SHANK2: variants seen among roughly 807,000 people sequenced by gnomAD.
SHANK2 encodes the protein SH3 and multiple ankyrin repeat domains 2, also known as SH3 and multiple ankyrin repeat domains protein 2.
A neutral mutation model predicts 133.7 loss-of-function variants in SHANK2; 43 were observed. The observed-to-expected ratio is 0.32, with a 90% CI of 0.25 to 0.41. SHANK2 has a LOEUF of 0.41. Among genes scored for constraint, SHANK2 ranks in the 10% least tolerant of loss-of-function variants. The pLI, the probability that SHANK2 is intolerant of heterozygous loss-of-function variation, is 1.00. For synonymous variants in SHANK2, 1,017 were observed against 952.8 expected (o/e 1.07, Z -1.24); for missense variants, 1,994 against 2,235.8 (o/e 0.89, Z 2.18).
chr11:70,765,864 T>C (rs1562192), intron 14 of SHANK2, among the ~76,000 whole-genome samples: 65,693 of 152,124 alleles, frequency 0.43, 15,295 homozygotes, highest in East Asian at 0.66. Flanking sequence ...TTGTACCTTA[T>C]ATCCTGAACT....
At position 70,739,236 on chromosome 11, in the gene SHANK2, G is replaced by A. The variant is rs1946471463; in HGVS notation, c.1778-40473C>T. 6.6e-6 allele frequency among the ~76,000 whole-genome samples: 1 copy of A among 152,108 alleles called. No individual in the cohort carries two copies. The highest frequency in any genetic ancestry group is 2.4e-5 in the African/African-American group (1 of 41,412). ...GGGGATGCGGCATGTGAACTTCAGGGGCACACAAAGCCCAGACGCAGACCC... is the reference window on the plus strand; with the variant it reads ...GGGGATGCGGCATGTGAACTTCAGGAGCACACAAAGCCCAGACGCAGACCC... On this transcript the variant is annotated intron_variant, in intron 14 of 25. Transcript: ENST00000601538. This position sits in a 1 kb window ranked among gnomAD's most constrained non-coding sequence, Gnocchi z 4.3.
At chr11:70,528,501 T>C (rs1247505536) in intron 17 of SHANK2, among the ~76,000 whole-genome samples, 3 of 152,150 alleles carry the variant, frequency 2.0e-5, no homozygotes, top group Non-Finnish European at 4.4e-5. Flanking sequence ...TCCCGTTTAC[T>C]GCGCAGTGTT....
intron 17 of SHANK2, among the ~76,000 whole-genome samples, chr11:70,582,969 C>G (rs997703212): frequency 6.6e-6 from 1 of 152,198 alleles, no homozygotes; most frequent in African/African-American, 2.4e-5. Context: ...AGCTCACTCT[C>G]CTGAGGCTTG....
intron 6 of SHANK2, among the ~76,000 whole-genome samples, chr11:71,102,673 G>A (rs531444497): frequency 3.9e-5 from 6 of 152,336 alleles, no homozygotes; most frequent in South Asian, 2.1e-4. Context: ...GCTTGTCCCC[G>A]ACCTGGGCCT....
intron 11 of SHANK2, among the ~76,000 whole-genome samples, chr11:70,833,032 G>A (rs1555059016): frequency 1.3e-5 from 2 of 152,206 alleles, no homozygotes; most frequent in African/African-American, 4.8e-5. Flanking sequence ...GGAGTTCCCT[G>A]CACCCCATGT....
intron 11 of SHANK2, among the ~76,000 whole-genome samples, chr11:70,856,945 T>C (rs1242039419): frequency 2.0e-5 from 3 of 152,208 alleles, no homozygotes; most frequent in African/African-American, 7.2e-5. Flanking sequence ...CTTCCTTAAC[T>C]TCTGTCTACC....
At chr11:70,761,534 G>A (rs1555040217) in intron 14 of SHANK2, among the ~76,000 whole-genome samples, 3 of 152,362 alleles carry the variant, frequency 2.0e-5, no homozygotes, top group East Asian at 3.9e-4. Flanking sequence ...AGTGAGTGAC[G>A]CACCTCTATG....
intron 17 of SHANK2, among the ~76,000 whole-genome samples, chr11:70,658,108 T>C (rs2061426106): frequency 6.6e-6 from 1 of 151,526 alleles, no homozygotes. Context: ...AAGAGTGACC[T>C]ATTTCAACAC....
At position 70,934,221 on chromosome 11, in the gene SHANK2, G is replaced by C. The variant is rs1950539941; in HGVS notation, c.1108-37654C>G. On this transcript the variant is annotated intron_variant, in intron 10 of 25. Coordinates refer to ENST00000601538, the MANE Select transcript of SHANK2 (RefSeq NM_012309.5). ...CACTCCAGCCTGGGCAACAGAGCGG[G>C]ACTGTGTCTCAACAACAACACCACC... is the stretch of plus-strand genomic sequence containing the variant. 3.7e-5 allele frequency among the ~76,000 whole-genome samples: 5 copies of C among 134,168 alleles called. No individual in the cohort carries two copies. The South Asian group carries it at 1.3e-3, about 34-fold the overall frequency. The allele number at this position is 134,168 out of a possible 152,430, so 88.0% of individuals were successfully genotyped here. A position where few individuals can be genotyped will look rare whatever the true frequency, so the allele number is the denominator to read the frequency against.
In SHANK2 at chr11:70,500,749, G is replaced by A. The variant is rs1281527005; in HGVS notation, c.2288-159C>T. On this transcript the variant is annotated intron_variant, in intron 20 of 25. Coordinates refer to ENST00000601538, the MANE Select transcript of SHANK2 (RefSeq NM_012309.5). The surrounding 1 kb of genome is among the most constrained non-coding windows in gnomAD (Gnocchi z 4.5). ...CTGGAACGCTGCGAACGCAGGCTGC[G>A]CTATCCATGGAGTGGCTTTCCCCAA... is the stretch of plus-strand genomic sequence containing the variant. 15 of 949,760 alleles carry A rather than the reference G, an allele frequency of 1.6e-5. No individual in the cohort carries two copies. Among genetic ancestry groups the A allele is most frequent in the Admixed American group, 1.2e-4 (6 of 50,216 alleles). The allele number at this position is 949,760 out of a possible 1,614,324, so 58.8% of individuals were successfully genotyped here.
intron 6 of SHANK2, among the ~76,000 whole-genome samples, chr11:71,106,074 C>T (rs567453855): frequency 5.8e-4 from 89 of 152,338 alleles, no homozygotes; most frequent in African/African-American, 2.1e-3. Context: ...ACAGAGGAAA[C>T]TGGGGGAGCA....
At chr11:70,913,919 T>C (rs529299365) in intron 10 of SHANK2, among the ~76,000 whole-genome samples, 1 of 152,376 alleles carries the variant, frequency 6.6e-6, no homozygotes, top group South Asian at 2.1e-4. Flanking sequence ...GTTCAGGTAA[T>C]GCTGCCACAC....
chr11:70,746,934 C>T (rs1023706787), intron 14 of SHANK2, among the ~76,000 whole-genome samples: 8 of 150,442 alleles, frequency 5.3e-5, no homozygotes, highest in Non-Finnish European at 8.9e-5. Context: ...CCGCTGTACT[C>T]CCCTTTACCC....
At chr11:70,626,007 G>T (rs553509104) in intron 17 of SHANK2, among the ~76,000 whole-genome samples, 1 of 151,930 alleles carries the variant, frequency 6.6e-6, no homozygotes, top group Non-Finnish European at 1.5e-5. Context: ...CAGGCCTCTG[G>T]GGCCTCCCCG....
intron 11 of SHANK2, among the ~76,000 whole-genome samples, chr11:70,875,441 C>T (rs958948129): frequency 2.0e-5 from 3 of 151,948 alleles, no homozygotes; most frequent in East Asian, 1.9e-4. Flanking sequence ...AGGAGAAAGG[C>T]GTGAACCCGG....
intron 15 of SHANK2, among the ~76,000 whole-genome samples, chr11:70,680,555 G>A (rs1555018165): frequency 6.6e-6 from 1 of 152,160 alleles, no homozygotes; most frequent in Non-Finnish European, 1.5e-5. Flanking sequence ...TGATGGCACA[G>A]GGCCCACCTG....
chr11:71,167,532 G>A (rs1216548444), intron 2 of SHANK2, among the ~76,000 whole-genome samples: 5 of 134,048 alleles, frequency 3.7e-5, no homozygotes, highest in East Asian at 2.2e-4. Flanking sequence ...GCGGCTGGCC[G>A]GGCGGGGGGC....
chr11:71,084,400 G>A (rs1951349377), intron 8 of SHANK2, among the ~76,000 whole-genome samples: 2 of 152,232 alleles, frequency 1.3e-5, no homozygotes, highest in African/African-American at 4.8e-5. Context: ...GTGTCCTTAG[G>A]CCATGTGCAC....
intron 14 of SHANK2, among the ~76,000 whole-genome samples, chr11:70,779,528 T>C (rs1947436995): frequency 6.6e-6 from 1 of 152,164 alleles, no homozygotes; most frequent in Non-Finnish European, 1.5e-5. Flanking sequence ...GCTGATGTTT[T>C]GCCGAGGGTT....
Sources: allele counts gnomAD v4.1 joint callset (sites outside exome capture counted in the v4.1 genomes callset), GRCh38; gene constraint gnomAD v4.1.1; non-coding constraint Gnocchi (gnomAD v3.1); transcripts MANE v1.5; gene names NCBI Gene and HGNC (gene_info 2026-07-23, HGNC 2026-07-21).